TBC1D28: variants seen among roughly 807,000 people sequenced by gnomAD.
TBC1D28 encodes the protein TBC1 domain family, member 28.
TBC1D28 carries 20 observed loss-of-function variants against 29.2 expected under a neutral mutation model. The observed-to-expected ratio is 0.68, with a 90% CI of 0.48 to 0.99. TBC1D28 has a LOEUF of 0.99. Ranked by LOEUF, TBC1D28 falls within the 50% of genes least tolerant of loss-of-function variation. The probability of loss-of-function intolerance (pLI) is 0.00; values close to 1 mark genes in which losing one functional copy is unlikely to be tolerated. For missense variants in TBC1D28, 205 were observed against 243.7 expected (o/e 0.84, Z 1.06); for synonymous variants, 65 against 90.9 (o/e 0.71, Z 1.62).
chr17:18,640,143 G>A (rs1439392748), intron 4 of TBC1D28, among the ~76,000 whole-genome samples: 6 of 152,174 alleles, frequency 3.9e-5, no homozygotes, highest in Non-Finnish European at 8.8e-5. Context: ...CATCCACCCT[G>A]CGCAGTGCTG....
rs2031778197 is a variant in TBC1D28 at position 18,641,751 on chromosome 17, G to A, written c.-103-18C>T. ...GGATGTCTCTATAGGATGGTTCAGG[G>A]ACCAGGAAGATAATCAGTTTTCCGT... On this transcript the variant is annotated intron_variant, in intron 1 of 8. Transcript: ENST00000345096. 1 of 236,026 alleles carries A rather than the reference G, an allele frequency of 4.2e-6. No homozygotes were observed. The highest frequency in any genetic ancestry group is 8.3e-6 in the Non-Finnish European group (1 of 120,892). 14.6% of individuals were successfully genotyped at this position (236,026 alleles called of 1,614,324 possible).
At chr17:18,643,315 C>T (rs1158141707), upstream of TBC1D28, among the ~76,000 whole-genome samples, 2 of 151,558 alleles carry the variant, frequency 1.3e-5, no homozygotes, top group Admixed American at 1.3e-4. Context: ...TCACCTCCTC[C>T]TCCCAGTAGC....
rs532062150 is a variant in TBC1D28, at chr17:18,641,509, CCT to C, written c.-2+121_-2+122del. The C allele has an allele frequency of 4.3e-4, 351 of 809,546 alleles. 1 individual carries two copies. The African/African-American group carries it at 5.4e-3, about 13-fold the overall frequency. The allele number at this position is 809,546 out of a possible 1,614,324, so 50.1% of individuals were successfully genotyped here. A position where few individuals can be genotyped will look rare whatever the true frequency, so the allele number is the denominator to read the frequency against. On this transcript the variant is annotated intron_variant, in intron 2 of 8. Coordinates refer to ENST00000345096, the Ensembl canonical transcript of TBC1D28. ...AGGGGCCAGACTCAGTGGCCCCACC[CCT>C]GACTGGATCTCTGAAGTCCTGACCT...
downstream of TBC1D28, among the ~76,000 whole-genome samples, chr17:18,634,327 GAAAC>G (rs1597477618): frequency 6.6e-6 from 1 of 151,830 alleles, no homozygotes; most frequent in South Asian, 2.1e-4. Context: ...GTGATTTTGC[GAAAC>G]AAACAACAAA....
At chr17:18,644,125 G>C (rs1308164830), upstream of TBC1D28, among the ~76,000 whole-genome samples, 1 of 151,618 alleles carries the variant, frequency 6.6e-6, no homozygotes, top group Non-Finnish European at 1.5e-5. Context: ...GGGTACATTC[G>C]GGGACAGCAC....
upstream of TBC1D28, among the ~76,000 whole-genome samples, chr17:18,643,960 C>T (rs2031884815): frequency 6.6e-6 from 1 of 152,174 alleles, no homozygotes. Context: ...AGACTCTGCC[C>T]CATCAGGGGC....
At chr17:18,638,086 G>T in intron 7 of TBC1D28, 113 bp from the exon 9 acceptor site, 1 of 1,550,424 alleles carries the variant, frequency 6.4e-7, no homozygotes, top group South Asian at 1.1e-5. Flanking sequence ...AGGAAGGAAG[G>T]TTTCCTTCTG....
chr17:18,636,515 G>T (rs397834032), exon 9 of TBC1D28: 56 of 1,613,772 alleles, frequency 3.5e-5, no homozygotes, highest in Non-Finnish European at 4.7e-5. Flanking sequence ...TATGGGCACA[G>T]GTACCAGGAA....
chr17:18,642,970 C>T (rs1399874321), upstream of TBC1D28: 6 of 152,416 alleles, frequency 3.9e-5, no homozygotes, highest in Non-Finnish European at 4.4e-5. Context: ...CCTAAGGTGT[C>T]AAAATGTGTT....
intron 4 of TBC1D28, 36 bp from the exon 6 acceptor site, chr17:18,639,250 C>T (rs759623859): frequency 1.2e-6 from 2 of 1,608,308 alleles, no homozygotes; most frequent in Non-Finnish European, 1.7e-6. Flanking sequence ...AGGACCTGCC[C>T]AGGCCAGGAG....
chr17:18,639,190 A>G (rs1209143722), exon 5 of TBC1D28: 2 of 1,612,146 alleles, frequency 1.2e-6, no homozygotes, highest in Admixed American at 1.7e-5. Flanking sequence ...CCTCCAGGGC[A>G]CTGACGCGGG....
intron 8 of TBC1D28, 77 bp downstream of exon 9, chr17:18,637,787 C>T: frequency 1.9e-6 from 3 of 1,604,322 alleles, no homozygotes; most frequent in Non-Finnish European, 2.6e-6. Context: ...TGACCCTGGC[C>T]TCTGCCCTGG....
exon 9 of TBC1D28, chr17:18,636,241 C>A: frequency 7.5e-7 from 1 of 1,335,712 alleles, no homozygotes; most frequent in Non-Finnish European, 9.6e-7. Flanking sequence ...CCATCAGGCA[C>A]CTCAGCAACT....
At chr17:18,641,337 C>T in exon 3 of TBC1D28, 2 of 1,613,906 alleles carry the variant, frequency 1.2e-6, no homozygotes, top group Non-Finnish European at 1.7e-6. Context: ...TTATCCGGGT[C>T]CTCATCCATC....
intron 3 of TBC1D28, 63 bp from the exon 5 acceptor site, chr17:18,641,167 G>A: frequency 3.8e-6 from 4 of 1,059,718 alleles, no homozygotes; most frequent in Non-Finnish European, 5.3e-6. Context: ...GCCCAGGGAG[G>A]TGGGCAGCCC....
In TBC1D28 at chr17:18,638,611, C is replaced by G. The variant is rs1460527544; in HGVS notation, c.279+10G>C. On this transcript the variant is annotated intron_variant, in intron 6 of 8. Coordinates refer to ENST00000345096, the Ensembl canonical transcript of TBC1D28. ...GAGCAGTCACGGGGGCCGCTTCCTC[C>G]CCATGTTACCTTCTTGGTGCTCCTA... 6.2e-7 allele frequency: 1 copy of G among 1,614,204 alleles called. No homozygotes were observed. Among genetic ancestry groups the G allele is most frequent in the Admixed American group, 1.7e-5 (1 of 60,028 alleles).
intron 5 of TBC1D28, 127 bp downstream of exon 6, chr17:18,639,048 C>T (rs536205119): frequency 8.7e-5 from 121 of 1,391,110 alleles, no homozygotes; most frequent in Non-Finnish European, 1.1e-4. Context: ...GGAAAGGCCA[C>T]CCCTCCCAGT....
upstream of TBC1D28, among the ~76,000 whole-genome samples, chr17:18,643,796 T>C (rs529028728): frequency 6.6e-6 from 1 of 152,346 alleles, no homozygotes; most frequent in South Asian, 2.1e-4. Context: ...ATGTGTCCAG[T>C]GGGTCCCACG....
chr17:18,634,806 C>G (rs1270778390), downstream of TBC1D28, among the ~76,000 whole-genome samples: 1 of 151,158 alleles, frequency 6.6e-6, no homozygotes, highest in African/African-American at 2.4e-5. Flanking sequence ...AGCCCCTCAG[C>G]CCCTCAGCCG....
Sources: allele counts gnomAD v4.1 joint callset (sites outside exome capture counted in the v4.1 genomes callset), GRCh38; gene constraint gnomAD v4.1.1; transcripts MANE v1.5; gene names NCBI Gene and HGNC (gene_info 2026-07-23, HGNC 2026-07-21).